The following PAG1 variants were observed in gnomAD, a reference collection of about 807,000 sequenced individuals.
The protein encoded by PAG1 is phosphoprotein membrane anchor with glycosphingolipid microdomains 1, also known as phosphoprotein associated with glycosphingolipid-enriched microdomains 1.
A neutral mutation model predicts 31.7 loss-of-function variants in PAG1; 23 were observed. The ratio of observed to expected loss-of-function variants is 0.73; its 90% CI spans 0.52 to 1.03. PAG1 has a LOEUF of 1.03. PAG1 is among the 50% of genes least tolerant of loss of function. PAG1 has a pLI of 0.00. For synonymous variants in PAG1, 214 were observed against 210.3 expected (o/e 1.02, Z -0.15); for missense variants, 473 against 540.7 (o/e 0.87, Z 1.24).
chr8:81,057,213 C>T (rs941803300), intron 2 of PAG1, among the ~76,000 whole-genome samples: 1 of 152,114 alleles, frequency 6.6e-6, no homozygotes, highest in Non-Finnish European at 1.5e-5. Context: ...AGCCATCCCA[C>T]TACTGGGCAT....
intron 2 of PAG1, among the ~76,000 whole-genome samples, chr8:81,031,570 T>A (rs978304739): frequency 1.3e-5 from 2 of 152,258 alleles, no homozygotes. Flanking sequence ...GATTTAATTA[T>A]CTAAATCAAA....
At chr8:81,034,357 A>G (rs1178837617) in intron 2 of PAG1, among the ~76,000 whole-genome samples, 1 of 152,218 alleles carries the variant, frequency 6.6e-6, no homozygotes, top group Admixed American at 6.5e-5. Context: ...TTGCTATAAT[A>G]AAACCTCTCT....
chr8:81,027,059 G>A (rs1163875367), intron 3 of PAG1, among the ~76,000 whole-genome samples: 11 of 151,704 alleles, frequency 7.3e-5, no homozygotes, highest in Middle Eastern at 3.2e-3. Context: ...CACTCAGACT[G>A]GAGTGGAGTG....
Position 81,016,302 on chromosome 8 carries a change from A to AC in PAG1, c.-81+13693dup, listed in dbSNP as rs565737917. Among the ~76,000 whole-genome samples the AC allele has an allele frequency of 7.2e-5, 11 of 152,332 alleles. No homozygotes were observed. The East Asian group carries it at 1.5e-3, about 21-fold the overall frequency. On this transcript the variant is annotated intron_variant, in intron 3 of 8. Coordinates refer to ENST00000220597, the MANE Select transcript of PAG1 (RefSeq NM_018440.4). ...ATTGTCCTCATGGTACTAAAGAGGC[A>AC]CAGTAATTTGTTCAAGGCAAACTAG...
chr8:81,077,756 T>A (rs536256611), intron 1 of PAG1, among the ~76,000 whole-genome samples: 7 of 152,234 alleles, frequency 4.6e-5, no homozygotes, highest in African/African-American at 1.7e-4. Context: ...GAGTAAAGGT[T>A]TGAAAATAAT....
Position 81,062,210 on chromosome 8 carries a change from T to C in PAG1, c.-175+7902A>G, listed in dbSNP as rs533150346. ...CTGTGGCCTATGCCACATTCTCATA[T>C]ACTCAGGAGGCAAACTTAACTCTGT... On this transcript the variant is annotated intron_variant, in intron 2 of 8. Transcript: ENST00000220597. Among the ~76,000 whole-genome samples, 15 of 152,362 alleles carry C rather than the reference T, an allele frequency of 9.8e-5. No homozygotes were observed. In the South Asian group the frequency reaches 1.9e-3, roughly 19 times the overall value.
chr8:80,985,027 C>T lies in PAG1; in HGVS notation c.625G>A (p.Ala209Thr). ...GHSGKAKSTSASKELPGPQTE... is the reference protein window; with the variant it reads ...GHSGKAKSTSTSKELPGPQTE... Reference sequence around the variant, plus strand: ...TGGGGCCCTGGGAGCTCTTTCGAGGCAGAAGTAGATTTTGCCTTGCCACTG... The same window carrying T: ...TGGGGCCCTGGGAGCTCTTTCGAGGTAGAAGTAGATTTTGCCTTGCCACTG... Residue 209 changes from alanine to threonine, a missense_variant, in exon 7 of 9, where the codon GCC becomes ACC. Ala to Thr is a moderately conservative substitution (Grantham distance 58). Coordinates refer to ENST00000220597, the MANE Select transcript of PAG1 (RefSeq NM_018440.4). 1 of 1,614,144 alleles carries T rather than the reference C, an allele frequency of 6.2e-7. No individual in the cohort carries two copies. The highest frequency in any genetic ancestry group is 8.5e-7 in the Non-Finnish European group (1 of 1,180,038).
At chr8:80,980,531 G>A (rs2241972) in intron 7 of PAG1, 37 bp from the exon 8 acceptor site, 497,955 of 1,376,826 alleles carry the variant, frequency 0.36, 95,739 homozygotes, top group African/African-American at 0.66. Flanking sequence ...AAGTAATTCA[G>A]CGTTAACAAT....
chr8:81,059,643 C>T (rs552969823), intron 2 of PAG1, among the ~76,000 whole-genome samples: 12 of 152,266 alleles, frequency 7.9e-5, no homozygotes, highest in African/African-American at 2.4e-4. Flanking sequence ...TATTCATTAG[C>T]TTCTCGAAGG....
intron 2 of PAG1, among the ~76,000 whole-genome samples, chr8:81,060,964 C>T (rs959495702): frequency 3.3e-5 from 5 of 152,240 alleles, no homozygotes; most frequent in Admixed American, 2.6e-4. Flanking sequence ...AGCCTCTCTG[C>T]TCCCTTGAAA....
intron 1 of PAG1, among the ~76,000 whole-genome samples, chr8:81,097,693 GAATC>G (rs1809549735): frequency 7.1e-6 from 1 of 141,682 alleles, no homozygotes; most frequent in Non-Finnish European, 1.5e-5. Flanking sequence ...TGGCACAGTT[GAATC>G]AATTAAGAAC....
At chr8:81,019,647 A>T (rs560781843) in intron 3 of PAG1, among the ~76,000 whole-genome samples, 30 of 152,352 alleles carry the variant, frequency 2.0e-4, no homozygotes, top group African/African-American at 7.2e-4. Context: ...ATTTCAGAGG[A>T]TGTACAGAAA....
At chr8:80,996,221 G>C (rs956689211) in intron 3 of PAG1, among the ~76,000 whole-genome samples, 1 of 152,238 alleles carries the variant, frequency 6.6e-6, no homozygotes, top group East Asian at 1.9e-4. Flanking sequence ...GTGCTGGCGG[G>C]TTGAGTGGCT....
intron 2 of PAG1, among the ~76,000 whole-genome samples, chr8:81,065,259 C>T (rs546607553): frequency 6.6e-6 from 1 of 152,208 alleles, no homozygotes; most frequent in Non-Finnish European, 1.5e-5. Context: ...CTGGAACAAA[C>T]CTTATTCTTC....
At chr8:81,058,082 G>C (rs143091157) in intron 2 of PAG1, among the ~76,000 whole-genome samples, 2,203 of 152,266 alleles carry the variant, frequency 0.014, 31 homozygotes, top group Middle Eastern at 0.092. Flanking sequence ...GAGGAAGGGA[G>C]ATTTGAGCTG....
chr8:81,075,672 C>T (rs1057288134), intron 1 of PAG1, among the ~76,000 whole-genome samples: 3 of 152,206 alleles, frequency 2.0e-5, no homozygotes, highest in Admixed American at 1.3e-4. Flanking sequence ...TGTGAAGTGA[C>T]ACAGCCAGTG....
intron 1 of PAG1, among the ~76,000 whole-genome samples, chr8:81,071,763 C>T (rs1005222959): frequency 2.6e-5 from 4 of 152,254 alleles, no homozygotes; most frequent in Admixed American, 1.3e-4. Flanking sequence ...TACAGAGAGA[C>T]GCAAGGGATA....
At chr8:81,017,168 G>A (rs536973942) in intron 3 of PAG1, among the ~76,000 whole-genome samples, 1 of 152,292 alleles carries the variant, frequency 6.6e-6, no homozygotes, top group African/African-American at 2.4e-5. Context: ...AACAGATAAT[G>A]AATACAGATC....
intron 6 of PAG1, 81 bp downstream of exon 6, chr8:80,987,289 T>C: frequency 2.3e-6 from 2 of 878,264 alleles, no homozygotes; most frequent in Non-Finnish European, 1.9e-6. Context: ...TTTCCTACTT[T>C]TTGAGCTATG....
Sources: gnomAD v4.1 joint callset for allele counts (sites outside exome capture counted in the v4.1 genomes callset) on GRCh38, gnomAD v4.1.1 for gene constraint, MANE v1.5 for transcripts, NCBI Gene and HGNC (gene_info 2026-07-23, HGNC 2026-07-21) for gene names.